The following GATAD1 variants were observed in gnomAD, a reference collection of about 807,000 sequenced individuals.
The protein encoded by GATAD1 is GATA zinc finger domain-containing protein 1.
In GATAD1, 12 loss-of-function variants were observed where a neutral mutation model predicts 26.5. The ratio of observed to expected loss-of-function variants is 0.45; its 90% CI spans 0.29 to 0.73. The LOEUF is 0.73. GATAD1 is among the 30% of genes least tolerant of loss of function. GATAD1 has a pLI of 0.10. For synonymous variants in GATAD1, 129 were observed against 133.1 expected, an observed-to-expected ratio of 0.97 and a Z score of 0.21; for missense variants, 266 against 342.1, an observed-to-expected ratio of 0.78 and a Z score of 1.75.
the GATAD1 span, chr7:92,475,138 GAGGTCTA>G: frequency 1.5e-4 from 23 of 152,154 alleles, no homozygotes; most frequent in Admixed American, 1.5e-3. Context: ...TTCTACAAAA[GAGGTCTA>G]GCTGTAAGAT....
chr7:92,481,087 T>C, the GATAD1 span, among the ~76,000 whole-genome samples: 1 of 152,056 alleles, frequency 6.6e-6, no homozygotes, highest in Non-Finnish European at 1.5e-5. Context: ...CAATGATGGA[T>C]GTGGAAGATT....
the GATAD1 span, chr7:92,489,925 TGTA>T: frequency 6.7e-7 from 1 of 1,500,662 alleles, no homozygotes; most frequent in Non-Finnish European, 9.2e-7. Context: ...CATGGTAAAT[TGTA>T]GTAATGAAAG....
At chr7:92,469,344 G>C in the GATAD1 span, 1 of 765,300 alleles carries the variant, frequency 1.3e-6, no homozygotes, top group Non-Finnish European at 2.4e-6. Flanking sequence ...GTTTGTAGTA[G>C]AACTGAGTAG....
the GATAD1 span, chr7:92,494,717 T>G: frequency 2.1e-6 from 2 of 945,600 alleles, no homozygotes; most frequent in Non-Finnish European, 3.1e-6. Context: ...GTATTTATTT[T>G]ATGTATTTAT....
At chr7:92,494,577 C>T in the GATAD1 span, 1 of 1,613,954 alleles carries the variant, frequency 6.2e-7, no homozygotes, top group Non-Finnish European at 8.5e-7. Context: ...CGCCGAGGAG[C>T]AATGGATTCA....
chr7:92,493,160 A>G, the GATAD1 span: 1 of 1,252,122 alleles, frequency 8.0e-7, no homozygotes, highest in Non-Finnish European at 1.1e-6. Context: ...TTAACAAATA[A>G]AAAATAAAAT....
the GATAD1 span, among the ~76,000 whole-genome samples, chr7:92,483,399 C>T: frequency 5.3e-5 from 8 of 152,218 alleles, no homozygotes; most frequent in Non-Finnish European, 1.0e-4. Context: ...TACTTGGCTG[C>T]CTCTACTCTA....
At chr7:92,489,941 G>A in the GATAD1 span, 1 of 1,541,954 alleles carries the variant, frequency 6.5e-7, no homozygotes, top group Non-Finnish European at 9.0e-7. Context: ...AATGAAAGAT[G>A]GAAGGAAGAG....
the GATAD1 span, among the ~76,000 whole-genome samples, chr7:92,495,424 C>G: frequency 1.3e-5 from 2 of 152,274 alleles, no homozygotes; most frequent in East Asian, 3.9e-4. Context: ...TTTGGCAAAA[C>G]TCTCCTAGAA....
At chr7:92,494,092 G>C in the GATAD1 span, 1 of 552,194 alleles carries the variant, frequency 1.8e-6, no homozygotes, top group East Asian at 3.2e-5. Flanking sequence ...GGATTACAAA[G>C]TTTTCAGACT....
the GATAD1 span, among the ~76,000 whole-genome samples, chr7:92,488,860 A>G: frequency 1.3e-5 from 2 of 151,984 alleles, no homozygotes; most frequent in African/African-American, 2.4e-5. Flanking sequence ...CAGCCTCCCA[A>G]GTAGCTGGGA....
intron 2 of GATAD1, chr7:92,449,780 G>C (rs1458631855): frequency 5.4e-6 from 1 of 185,870 alleles, no homozygotes. Context: ...ACGTGCCATG[G>C]TGGTTTGCTG....
At chr7:92,449,079 T>C in intron 2 of GATAD1, 1 of 1,068,056 alleles carries the variant, frequency 9.4e-7, no homozygotes, top group South Asian at 2.9e-5. Context: ...ACTCTTTCCT[T>C]TTTGTTTTTT....
the GATAD1 span, among the ~76,000 whole-genome samples, chr7:92,474,208 G>A: frequency 2.6e-5 from 4 of 152,068 alleles, no homozygotes; most frequent in African/African-American, 4.8e-5. Context: ...ATAAAAAACC[G>A]AGGTTGCCAA....
At chr7:92,463,427 G>A (rs374751976), downstream of GATAD1, among the ~76,000 whole-genome samples, 5 of 151,412 alleles carry the variant, frequency 3.3e-5, no homozygotes, top group Admixed American at 2.0e-4. Flanking sequence ...CAAGACAGGC[G>A]GATCATGAGG....
At chr7:92,492,315 T>C in the GATAD1 span, among the ~76,000 whole-genome samples, 4 of 152,112 alleles carry the variant, frequency 2.6e-5, no homozygotes, top group African/African-American at 7.2e-5. Context: ...AGCTAATTTT[T>C]AAATTTTTCA....
the GATAD1 span, among the ~76,000 whole-genome samples, chr7:92,468,229 A>G: frequency 6.6e-6 from 1 of 152,220 alleles, no homozygotes; most frequent in South Asian, 2.1e-4. Context: ...GGGAGCGGCA[A>G]TGGGTGCCTC....
chr7:92,470,421 T>C, the GATAD1 span: 1 of 652,334 alleles, frequency 1.5e-6, no homozygotes, highest in African/African-American at 1.8e-5. Context: ...CTGGTTGTTG[T>C]TTGAAGAGCA....
rs547340178 is a variant in GATAD1, at chr7:92,455,782, G to A, written c.620-590G>A. On this transcript the variant is annotated intron_variant, in intron 4 of 4. Transcript: ENST00000287957. The stretch of plus-strand genomic sequence containing the variant: ...AACAATTCTAGCCTTCTGCTTATAA[G>A]TATATAGAATTTTTATTTACCTTAT... Among the ~76,000 whole-genome samples, 81 of 152,286 alleles carry A rather than the reference G, an allele frequency of 5.3e-4. 1 individual carries two copies. Among genetic ancestry groups the A allele is most frequent in the South Asian group, 3.9e-3 (19 of 4,824 alleles).
Sources: gnomAD v4.1 joint callset for allele counts (sites outside exome capture counted in the v4.1 genomes callset) on GRCh38, gnomAD v4.1.1 for gene constraint, MANE v1.5 for transcripts, NCBI Gene and HGNC (gene_info 2026-07-23, HGNC 2026-07-21) for gene names.